The following PCDHGA6 variants were observed in gnomAD, a reference collection of about 807,000 sequenced individuals.
The protein encoded by PCDHGA6 is protocadherin gamma subfamily A, 6.
PCDHGA6 carries 41 observed loss-of-function variants against 60.6 expected under a neutral mutation model. The observed-to-expected ratio is 0.68, with a 90% CI of 0.53 to 0.88. PCDHGA6 has a LOEUF of 0.88. Ranked by LOEUF, PCDHGA6 falls within the 40% of genes least tolerant of loss-of-function variation. PCDHGA6 has a pLI of 0.00. For missense variants in PCDHGA6, 1,312 were observed against 1,203.0 expected, an observed-to-expected ratio of 1.09 and a Z score of -1.34; for synonymous variants, 594 against 524.4, an observed-to-expected ratio of 1.13 and a Z score of -1.81.
At chr5:141,389,754 G>A (rs370987485) in intron 1 of PCDHGA6, 3 of 1,612,772 alleles carry the variant, frequency 1.9e-6, no homozygotes, top group South Asian at 2.2e-5. Context: ...CACGGGCGAA[G>A]TGCGCACAGC....
At chr5:141,384,046 A>T (rs372405767) in intron 1 of PCDHGA6, 1 of 1,612,316 alleles carries the variant, frequency 6.2e-7, no homozygotes, top group Admixed American at 1.7e-5. Context: ...TGGTGAGGTG[A>T]CCTGCACCAT....
At chr5:141,384,225 G>A (rs757132379) in intron 1 of PCDHGA6, 1 of 1,613,856 alleles carries the variant, frequency 6.2e-7, no homozygotes, top group Non-Finnish European at 8.5e-7. Context: ...TCATGCAGGT[G>A]GCAGACACCA....
chr5:141,422,239 G>C (rs2096636040), intron 1 of PCDHGA6: 3 of 1,566,586 alleles, frequency 1.9e-6, no homozygotes, highest in East Asian at 4.5e-5. Context: ...GTTGATCACT[G>C]TTGTGGATGT....
At chr5:141,389,141 C>G (rs919430175) in intron 1 of PCDHGA6, 1 of 1,613,878 alleles carries the variant, frequency 6.2e-7, no homozygotes, top group African/African-American at 1.3e-5. Context: ...ACAATATAAC[C>G]GTTACGGCAA....
intron 1 of PCDHGA6, among the ~76,000 whole-genome samples, chr5:141,473,583 A>G (rs905824343): frequency 6.6e-6 from 1 of 152,226 alleles, no homozygotes; most frequent in Non-Finnish European, 1.5e-5. Flanking sequence ...CTAAGACCAG[A>G]CAGACCTGTA....
intron 1 of PCDHGA6, chr5:141,478,400 C>A (rs1295855090): frequency 6.2e-7 from 1 of 1,613,550 alleles, no homozygotes; most frequent in East Asian, 2.2e-5. Context: ...TCAGGTGTAT[C>A]TCACCACGGA....
At chr5:141,470,001 C>T (rs753591964) in intron 1 of PCDHGA6, among the ~76,000 whole-genome samples, 6 of 152,006 alleles carry the variant, frequency 3.9e-5, no homozygotes, top group Admixed American at 1.3e-4. Context: ...CGTCGTGGCA[C>T]GCCTGTAATC....
At position 141,476,418 on chromosome 5, in the gene PCDHGA6, T is replaced by C. The variant is rs201255025; in HGVS notation, c.2425-18389T>C. On this transcript the variant is annotated intron_variant, in intron 1 of 3. Transcript: ENST00000517434. This position sits in a 1 kb window ranked among gnomAD's most constrained non-coding sequence, Gnocchi z 7.6. The stretch of plus-strand genomic sequence containing the variant: ...GATCGAGAGGAGCTGTGTGGGACAC[T>C]GCCCTCTTGCACTGTAACTCTGGAG... 6.2e-7 allele frequency: 1 copy of C among 1,614,122 alleles called. No individual in the cohort carries two copies. Among genetic ancestry groups the C allele is most frequent in the Non-Finnish European group, 8.5e-7 (1 of 1,180,002 alleles).
chr5:141,412,805 A>G (rs2095578499), intron 1 of PCDHGA6, among the ~76,000 whole-genome samples: 1 of 152,246 alleles, frequency 6.6e-6, no homozygotes, highest in Non-Finnish European at 1.5e-5. Context: ...ACCTCCCCTA[A>G]GAAACCTACA....
intron 1 of PCDHGA6, chr5:141,388,782 A>G (rs1589071559): frequency 6.2e-7 from 1 of 1,613,902 alleles, no homozygotes; most frequent in African/African-American, 1.3e-5. Flanking sequence ...CGGGGAAATT[A>G]CTGTTTTAAA....
chr5:141,482,967 AGCAGCTACTT>A (rs2099575323), intron 1 of PCDHGA6, among the ~76,000 whole-genome samples: 1 of 58,122 alleles, frequency 1.7e-5, no homozygotes, highest in African/African-American at 2.6e-4. Flanking sequence ...CAGCTACTTG[AGCAGCTACTT>A]GAGAGGTCGA....
At chr5:141,420,334 T>A in intron 1 of PCDHGA6, 1 of 1,402,910 alleles carries the variant, frequency 7.1e-7, no homozygotes, top group Non-Finnish European at 9.5e-7. Context: ...TATATTCCAA[T>A]ATAGTGGTAT....
At chr5:141,414,439 T>A in intron 1 of PCDHGA6, 1 of 1,613,874 alleles carries the variant, frequency 6.2e-7, no homozygotes, top group East Asian at 2.2e-5. Context: ...GGTATCCTCT[T>A]ACAATATCAC....
chr5:141,476,699 G>C lies in PCDHGA6; in HGVS notation c.2425-18108G>C. 1 of 1,614,222 alleles carries C rather than the reference G, an allele frequency of 6.2e-7. No individual in the cohort carries two copies. The highest frequency in any genetic ancestry group is 8.5e-7 in the Non-Finnish European group (1 of 1,180,042). ...GCGGGAGGACAGCACCAAGTACGCG[G>C]AGCTGGTGTTGGAGCGCGCCCTGGA... is the stretch of plus-strand genomic sequence containing the variant. On this transcript the variant is annotated intron_variant, in intron 1 of 3. Transcript: ENST00000517434. The surrounding 1 kb of genome is among the most constrained non-coding windows in gnomAD (Gnocchi z 7.6).
At chr5:141,421,717 G>T in intron 1 of PCDHGA6, 2 of 1,613,932 alleles carry the variant, frequency 1.2e-6, no homozygotes, top group East Asian at 4.5e-5. Context: ...TCCAGATGTG[G>T]GCGTGAACTC....
Position 141,394,674 on chromosome 5 carries a change from C to A in PCDHGA6, c.2424+18167C>A, listed in dbSNP as rs1236446796. ...CGAGCCGGGACTCTTCTCGGTGGGT[C>A]TGCACACGGGCGAGGTGCGCACGGC... On this transcript the variant is annotated intron_variant, in intron 1 of 3. Coordinates refer to ENST00000517434, the MANE Select transcript of PCDHGA6 (RefSeq NM_018919.3). 5.0e-6 allele frequency: 8 copies of A among 1,612,640 alleles called. No homozygotes were observed. The highest frequency in any genetic ancestry group is 6.8e-6 in the Non-Finnish European group (8 of 1,179,760).
At chr5:141,474,130 C>T (rs28684928) in intron 1 of PCDHGA6, among the ~76,000 whole-genome samples, 6 of 152,160 alleles carry the variant, frequency 3.9e-5, no homozygotes. Context: ...TCTCAGAAAA[C>T]TACAGGCCTT....
At chr5:141,385,253 G>A (rs1234375073) in intron 1 of PCDHGA6, 1 of 1,613,650 alleles carries the variant, frequency 6.2e-7, no homozygotes, top group Non-Finnish European at 8.5e-7. Flanking sequence ...CAGGAGAGCT[G>A]TGAGAAAAAT....
At position 141,403,603 on chromosome 5, in the gene PCDHGA6, C is replaced by T. The variant is rs2094431906; in HGVS notation, c.2424+27096C>T. On this transcript the variant is annotated intron_variant, in intron 1 of 3. Coordinates refer to ENST00000517434, the MANE Select transcript of PCDHGA6 (RefSeq NM_018919.3). ...ACCTGGTCCTCACGGCCTCGGATGG[C>T]GGCGAGCCGCGTCGCTCCAGCACAG... 4 of 1,613,762 alleles carry T rather than the reference C, an allele frequency of 2.5e-6. No individual in the cohort carries two copies. The East Asian group carries it at 8.9e-5, about 36-fold the overall frequency.
Sources: allele counts gnomAD v4.1 joint callset (sites outside exome capture counted in the v4.1 genomes callset), GRCh38; gene constraint gnomAD v4.1.1; non-coding constraint Gnocchi (gnomAD v3.1); transcripts MANE v1.5; gene names NCBI Gene and HGNC (gene_info 2026-07-23, HGNC 2026-07-21).